Variants in PLEKHG7 observed in about 807,000 individuals in gnomAD.
PLEKHG7 encodes pleckstrin homology and RhoGEF domain containing G7.
PLEKHG7 carries 77 observed loss-of-function variants against 85.2 expected under a neutral mutation model. That is an observed-to-expected ratio of 0.90 (90% CI 0.75 to 1.09). PLEKHG7 has a LOEUF of 1.09. Among genes scored for constraint, PLEKHG7 ranks in the 50% least tolerant of loss-of-function variants. The probability of loss-of-function intolerance (pLI) is 0.00; values close to 1 mark genes in which losing one functional copy is unlikely to be tolerated. For synonymous variants in PLEKHG7, 301 were observed against 302.4 expected, an observed-to-expected ratio of 1.00 and a Z score of 0.05; for missense variants, 777 against 804.3, an observed-to-expected ratio of 0.97 and a Z score of 0.41.
At chr12:92,744,065 G>C (rs887414647) in intron 9 of PLEKHG7, among the ~76,000 whole-genome samples, 1 of 152,122 alleles carries the variant, frequency 6.6e-6, no homozygotes, top group Non-Finnish European at 1.5e-5. Context: ...GCTCCCTATA[G>C]TGTTTTGTCT....
chr12:92,720,574 C>T (rs1367223043), intron 3 of PLEKHG7, among the ~76,000 whole-genome samples: 1 of 152,112 alleles, frequency 6.6e-6, no homozygotes, highest in African/African-American at 2.4e-5. Context: ...GATCCGCCCA[C>T]CTTGGTCTCC....
At chr12:92,747,425 A>T (rs1192707069) in intron 10 of PLEKHG7, among the ~76,000 whole-genome samples, 32 of 152,220 alleles carry the variant, frequency 2.1e-4, no homozygotes, top group Non-Finnish European at 4.0e-4. Flanking sequence ...GCTGGCAAGG[A>T]TATAGAGAAA....
chr12:92,708,735 G>C (rs1871309721), intron 3 of PLEKHG7, among the ~76,000 whole-genome samples: 1 of 152,208 alleles, frequency 6.6e-6, no homozygotes, highest in South Asian at 2.1e-4. Context: ...AAGAGGACAA[G>C]TAGAAACATG....
At chr12:92,757,907 G>T (rs1443343359) in intron 13 of PLEKHG7, among the ~76,000 whole-genome samples, 2 of 152,208 alleles carry the variant, frequency 1.3e-5, no homozygotes, top group Non-Finnish European at 2.9e-5. Flanking sequence ...GTTCAAAATG[G>T]CATAGAGGAG....
In PLEKHG7 at chr12:92,756,688, G is replaced by A. The variant is rs114973483; in HGVS notation, c.1636+297G>A. Among the ~76,000 whole-genome samples the A allele has an allele frequency of 1.7e-3, 263 of 152,298 alleles. 1 individual carries two copies. The highest frequency in any genetic ancestry group is 6.2e-3 in the African/African-American group (258 of 41,554). ...CTCACGGTCTGGAATCTAGTAAATA[G>A]TCAATGGCAGCTGTTATCATCATAA... is the stretch of plus-strand genomic sequence containing the variant. On this transcript the variant is annotated intron_variant, in intron 13 of 16. Coordinates refer to ENST00000344636, the MANE Select transcript of PLEKHG7 (RefSeq NM_001377329.1).
chr12:92,751,690 G>A lies in PLEKHG7; in HGVS notation c.1252-2400G>A, dbSNP rs571582379. Among the ~76,000 whole-genome samples the A allele has an allele frequency of 4.6e-5, 7 of 151,676 alleles. No individual in the cohort carries two copies. The East Asian group carries it at 1.4e-3, about 30-fold the overall frequency. On this transcript the variant is annotated intron_variant, in intron 10 of 16. Coordinates refer to ENST00000344636, the MANE Select transcript of PLEKHG7 (RefSeq NM_001377329.1). ...CGCCCGGCCAAGAAGATTGAATTTG[G>A]CAGAATCCCCATGATGAAGAGCCCA...
chr12:92,715,716 CAAA>C (rs11331072), intron 3 of PLEKHG7, among the ~76,000 whole-genome samples: 28 of 87,444 alleles, frequency 3.2e-4, no homozygotes, highest in African/African-American at 7.0e-4. Context: ...GTTCTTGCCT[CAAA>C]AAAAAAAAAA....
chr12:92,735,631 G>C (rs1456632022), intron 5 of PLEKHG7, among the ~76,000 whole-genome samples: 2 of 152,158 alleles, frequency 1.3e-5, no homozygotes, highest in Non-Finnish European at 2.9e-5. Context: ...TCCTGCTTTG[G>C]TTGGTAAAAT....
At chr12:92,715,286 G>A (rs1871450228) in intron 3 of PLEKHG7, among the ~76,000 whole-genome samples, 2 of 152,124 alleles carry the variant, frequency 1.3e-5, no homozygotes, top group African/African-American at 4.8e-5. Flanking sequence ...TTTGCTGGCA[G>A]CTGATTAGAT....
At position 92,770,256 on chromosome 12, in the gene PLEKHG7, A is replaced by C. The variant is rs945371671; in HGVS notation, c.*61A>C. On this transcript the variant is annotated 3_prime_UTR_variant, in exon 17 of 17. Transcript: ENST00000344636. The stretch of plus-strand genomic sequence containing the variant: ...TATGGTTTAAGGTATAATTTCATTC[A>C]AAGTTTTGTAACACTTAGCTAGTGA... The C allele has an allele frequency of 2.4e-6, 3 of 1,234,688 alleles. No individual in the cohort carries two copies. Among genetic ancestry groups the C allele is most frequent in the Admixed American group, 2.3e-5 (1 of 43,710 alleles). 76.5% of individuals were successfully genotyped at this position (1,234,688 alleles called of 1,614,324 possible).
intron 3 of PLEKHG7, among the ~76,000 whole-genome samples, chr12:92,717,601 C>T (rs576803568): frequency 6.6e-6 from 1 of 152,216 alleles, no homozygotes; most frequent in Non-Finnish European, 1.5e-5. Flanking sequence ...ATTATCATAA[C>T]GTAGTTTTGC....
chr12:92,733,543 G>A (rs973877081), intron 5 of PLEKHG7, among the ~76,000 whole-genome samples: 3 of 152,178 alleles, frequency 2.0e-5, no homozygotes, highest in Admixed American at 6.6e-5. Context: ...ATTTAGAGAC[G>A]TGCTTTGTCT....
intron 3 of PLEKHG7, among the ~76,000 whole-genome samples, chr12:92,717,775 A>AGTTCACTCTGTGAT (rs1592674136): frequency 1.3e-5 from 2 of 152,176 alleles, no homozygotes; most frequent in Admixed American, 6.5e-5. Context: ...GGTTTGTGTA[A>AGTTCACTCTGTGAT]GTTCACTCTG....
Position 92,709,522 on chromosome 12 carries a change from G to A in PLEKHG7, c.530+1850G>A, listed in dbSNP as rs529095484. Among the ~76,000 whole-genome samples the A allele has an allele frequency of 2.6e-5, 4 of 152,334 alleles. No homozygotes were observed. The South Asian group carries it at 8.3e-4, about 32-fold the overall frequency. ...AAATAATTGGTTAGAGAAGGCACCAGGGGTGGATGTACTATATGTATATTT... is the reference window on the plus strand; with the variant it reads ...AAATAATTGGTTAGAGAAGGCACCAAGGGTGGATGTACTATATGTATATTT... On this transcript the variant is annotated intron_variant, in intron 3 of 16. Coordinates refer to ENST00000344636, the MANE Select transcript of PLEKHG7 (RefSeq NM_001377329.1).
Position 92,761,632 on chromosome 12 carries a change from AAGAAAG to A in PLEKHG7, c.1637-118_1637-113del, listed in dbSNP as rs1423421052. ...AAAAGAAAGAAAGAAAGAAGAAAGA[AAGAAAG>A]AAAGAAAGAAAGAAAGAAAGAAAGA... is the stretch of plus-strand genomic sequence containing the variant. On this transcript the variant is annotated intron_variant, in intron 13 of 16. Transcript: ENST00000344636. 5 of 225,964 alleles carry A rather than the reference AAGAAAG, an allele frequency of 2.2e-5. No individual in the cohort carries two copies. The Admixed American group carries it at 7.5e-4, about 34-fold the overall frequency. The allele number at this position is 225,964 out of a possible 1,614,324, so 14.0% of individuals were successfully genotyped here.
rs140971147 is a variant in PLEKHG7 at position 92,734,897 on chromosome 12, G to A, written c.700-1585G>A. Among the ~76,000 whole-genome samples the A allele has an allele frequency of 2.5e-3, 383 of 152,166 alleles. 3 individuals are homozygous for A. The highest frequency in any genetic ancestry group is 7.6e-3 in the African/African-American group (314 of 41,518). ...TTCTTTACCCTGTGTATCCTCTCTCGTAACCTTCAAATGCTTCTCATTGCC... is the reference window on the plus strand; with the variant it reads ...TTCTTTACCCTGTGTATCCTCTCTCATAACCTTCAAATGCTTCTCATTGCC... On this transcript the variant is annotated intron_variant, in intron 5 of 16. Transcript: ENST00000344636.
At position 92,706,792 on chromosome 12, in the gene PLEKHG7, T is replaced by G; in HGVS notation, c.161T>G (p.Leu54Ter). ...TCCACCTCGCCCACTTTGAGGAGAT[T>G]AAGGACCCGTGGCTGTGGGACAAGG... ...RISTSPTLRR[L>*]RTRGCGTRQD... Residue 54 changes from leucine (L) to a stop codon, truncating the protein, a stop_gained, in exon 2 of 17, where the codon TTA becomes TGA. Transcript: ENST00000344636. LOFTEE classifies it high-confidence loss of function. The G allele has an allele frequency of 6.2e-7, 1 of 1,613,962 alleles. No individual in the cohort carries two copies. The highest frequency in any genetic ancestry group is 8.5e-7 in the Non-Finnish European group (1 of 1,180,006).
At chr12:92,767,187 C>T (rs1159078209) in intron 15 of PLEKHG7, among the ~76,000 whole-genome samples, 2 of 152,230 alleles carry the variant, frequency 1.3e-5, no homozygotes, top group Admixed American at 1.3e-4. Context: ...ATAGAAAATG[C>T]TTTTAAAATT....
At chr12:92,707,178 C>A (rs763964864) in intron 2 of PLEKHG7, 40 bp downstream of exon 2, 8 of 1,574,694 alleles carry the variant, frequency 5.1e-6, no homozygotes, top group South Asian at 2.4e-5. Flanking sequence ...AGTTGCTGAA[C>A]CACAAAGCAA....
Sources: allele counts gnomAD v4.1 joint callset (sites outside exome capture counted in the v4.1 genomes callset), GRCh38; gene constraint gnomAD v4.1.1; transcripts MANE v1.5; gene names NCBI Gene and HGNC (gene_info 2026-07-23, HGNC 2026-07-21).